CHAF1A: variants seen among roughly 807,000 people sequenced by gnomAD.
CHAF1A encodes chromatin assembly factor 1 subunit A, also known as CAF-1 subunit A.
Under a neutral mutation model 93.2 loss-of-function variants are expected in CHAF1A, and 5 were observed. That is an observed-to-expected ratio of 0.05 (90% confidence interval 0.03 to 0.11). The LOEUF (loss-of-function observed/expected upper bound fraction) is 0.11. Among genes scored for constraint, CHAF1A ranks in the 10% least tolerant of loss-of-function variants. CHAF1A has a pLI of 1.00. For synonymous variants in CHAF1A, 504 were observed against 510.3 expected, an observed-to-expected ratio of 0.99 and a Z score of 0.17; for missense variants, 1,102 against 1,259.9, an observed-to-expected ratio of 0.87 and a Z score of 1.90.
chr19:4,410,386 C>CTTT (rs71166992), intron 3 of CHAF1A, among the ~76,000 whole-genome samples: 1,707 of 137,504 alleles, frequency 0.012, 34 homozygotes, highest in South Asian at 0.016. Context: ...AAAAAAATTA[C>CTTT]TTTTTTTTTT....
At position 4,432,087 on chromosome 19, in the gene CHAF1A, G is replaced by A; in HGVS notation, c.2083G>A (p.Asp695Asn). The change falls in exon 12 of 15, where the codon GAC becomes AAC. Residue 695 changes from aspartate (D) to asparagine (N), a missense_variant. Asp to Asn is a conservative substitution (Grantham distance 23). Coordinates refer to ENST00000301280, the MANE Select transcript of CHAF1A (RefSeq NM_005483.3). ...CGGCTGCGTGTGGGCGGCTGACAGA[G>A]ACTGCGCAGGCGATGACCTGAAGGT... ...KIGCVWAADR[D>N]CAGDDLKVLQ... 1 of 1,613,966 alleles carries A rather than the reference G, an allele frequency of 6.2e-7. No homozygotes were observed. The highest frequency in any genetic ancestry group is 1.1e-5 in the South Asian group (1 of 91,074).
chr19:4,415,635 C>G (rs1396948174), intron 3 of CHAF1A, among the ~76,000 whole-genome samples: 3 of 151,840 alleles, frequency 2.0e-5, no homozygotes, highest in Non-Finnish European at 2.9e-5. Context: ...GTGAGGCTGC[C>G]TCGGGCTGGC....
intron 1 of CHAF1A, 55 bp from the exon 2 acceptor site, chr19:4,405,857 T>A (rs1973671540): frequency 2.0e-6 from 3 of 1,527,206 alleles, no homozygotes; most frequent in Non-Finnish European, 2.7e-6. Context: ...ATGTATTTGC[T>A]AACTTGATTA....
At chr19:4,419,612 G>T (rs1210140756) in intron 4 of CHAF1A, among the ~76,000 whole-genome samples, 1 of 151,910 alleles carries the variant, frequency 6.6e-6, no homozygotes, top group Non-Finnish European at 1.5e-5. Context: ...TGTATTTTTA[G>T]TAGAGACAGG....
downstream of CHAF1A, chr19:4,448,146 G>A (rs1194205218): frequency 1.6e-6 from 1 of 628,730 alleles, no homozygotes; most frequent in African/African-American, 1.8e-5. Flanking sequence ...GCCCAAGGAG[G>A]CCCAGCCCTT....
At chr19:4,405,410 C>G (rs543150738) in intron 1 of CHAF1A, among the ~76,000 whole-genome samples, 1 of 152,090 alleles carries the variant, frequency 6.6e-6, no homozygotes, top group Non-Finnish European at 1.5e-5. Context: ...GAGTTCGAGA[C>G]CATTCTGGCT....
chr19:4,409,806 CAG>C (rs1973759703), intron 3 of CHAF1A, 47 bp downstream of exon 3: 1 of 1,547,974 alleles, frequency 6.5e-7, no homozygotes, highest in Non-Finnish European at 8.7e-7. Flanking sequence ...TCACGGATCT[CAG>C]AGCGCTGTCA....
chr19:4,406,920 G>A (rs965473932), intron 2 of CHAF1A, among the ~76,000 whole-genome samples: 1 of 151,852 alleles, frequency 6.6e-6, no homozygotes, highest in Non-Finnish European at 1.5e-5. Flanking sequence ...GGAAGACTCT[G>A]TCTCTTGAAA....
Position 4,428,900 on chromosome 19 carries a change from TGAG to T in CHAF1A, c.1604+15_1604+17del, listed in dbSNP as rs762781914. On this transcript the variant is annotated intron_variant, in intron 8 of 14. Coordinates refer to ENST00000301280, the MANE Select transcript of CHAF1A (RefSeq NM_005483.3). ...CAGATATTTTTAACAGGTCAGAGCC[TGAG>T]GAGGTCGGCCTTCACCCACTAGTGA... 8.1e-6 allele frequency: 13 copies of T among 1,609,880 alleles called. No individual in the cohort carries two copies. Among genetic ancestry groups the T allele is most frequent in the African/African-American group, 2.7e-5 (2 of 74,818 alleles).
chr19:4,430,970 G>T (rs955466143), intron 11 of CHAF1A: 11 of 294,814 alleles, frequency 3.7e-5, no homozygotes, highest in Non-Finnish European at 5.3e-5. Flanking sequence ...CATGTGCATT[G>T]TAAGTGTTGA....
At chr19:4,408,866 A>T (rs771080344) in intron 2 of CHAF1A, 37 bp from the exon 3 acceptor site, 10 of 1,558,102 alleles carry the variant, frequency 6.4e-6, no homozygotes, top group Non-Finnish European at 8.6e-6. Flanking sequence ...TGTAACTTTA[A>T]ACGTTCACTA....
chr19:4,438,062 G>A (rs1031205728), intron 13 of CHAF1A, among the ~76,000 whole-genome samples: 7 of 152,068 alleles, frequency 4.6e-5, no homozygotes, highest in Admixed American at 3.9e-4. Flanking sequence ...TGTTAAATTA[G>A]AAACAGGGTC....
chr19:4,409,440 C>A lies in CHAF1A; in HGVS notation c.641C>A (p.Pro214Gln). The change falls in exon 3 of 15, where the codon CCG (proline) becomes CAG (glutamine). Residue 214 changes from proline to glutamine, a missense_variant. Pro to Gln is a moderately conservative substitution (Grantham distance 76, BLOSUM62 -1). Transcript: ENST00000301280. The part of the protein sequence containing the change: ...PRSCPELTSG[P>Q]RMCPRKEQDS... The stretch of plus-strand genomic sequence containing the variant: ...AGCTGCCCGGAGCTGACGAGTGGCC[C>A]GAGAATGTGCCCCAGAAAGGAGCAG... The A allele has an allele frequency of 6.2e-7, 1 of 1,614,004 alleles. No individual in the cohort carries two copies. Among genetic ancestry groups the A allele is most frequent in the Non-Finnish European group, 8.5e-7 (1 of 1,179,998 alleles).
chr19:4,408,186 C>T (rs116214855), intron 2 of CHAF1A, among the ~76,000 whole-genome samples: 1 of 150,296 alleles, frequency 6.7e-6, no homozygotes. Flanking sequence ...ATAGCCCCTG[C>T]CCCGTCTTTT....
Position 4,423,119 on chromosome 19 carries a change from G to A in CHAF1A, c.1248-216G>A, listed in dbSNP as rs572349414. Among the ~76,000 whole-genome samples, 7 of 152,250 alleles carry A rather than the reference G, an allele frequency of 4.6e-5. No individual in the cohort carries two copies. In the South Asian group the frequency reaches 1.5e-3, roughly 32 times the overall value. ...GCTAATTGTGCTCTGACTGGCTAAA[G>A]TTTTTTATATATATTCTAGTCACAG... On this transcript the variant is annotated intron_variant, in intron 5 of 14. Transcript: ENST00000301280.
intron 7 of CHAF1A, 151 bp from the exon 8 acceptor site, chr19:4,428,513 C>T (rs1974124634): frequency 7.6e-6 from 5 of 662,084 alleles, no homozygotes; most frequent in Admixed American, 2.9e-5. Context: ...TCTGGAAACT[C>T]GGCTCTGTGG....
At chr19:4,423,277 C>T (rs368561570) in intron 5 of CHAF1A, 58 bp from the exon 6 acceptor site, 71 of 1,610,128 alleles carry the variant, frequency 4.4e-5, no homozygotes, top group Non-Finnish European at 5.6e-5. Context: ...TTGAGTGCTG[C>T]GGTCCCTTCC....
downstream of CHAF1A, chr19:4,448,555 GAA>G (rs927550889): frequency 2.3e-5 from 16 of 704,714 alleles, no homozygotes; most frequent in African/African-American, 2.5e-4. Flanking sequence ...TCACAGAAAG[GAA>G]AAGAGAGACC....
At chr19:4,407,593 T>C (rs1973703783) in intron 2 of CHAF1A, among the ~76,000 whole-genome samples, 1 of 152,174 alleles carries the variant, frequency 6.6e-6, no homozygotes, top group Non-Finnish European at 1.5e-5. Context: ...AATAAACAAA[T>C]GTCTCTTGAA....
Sources: allele counts gnomAD v4.1 joint callset (sites outside exome capture counted in the v4.1 genomes callset), GRCh38; gene constraint gnomAD v4.1.1; transcripts MANE v1.5; gene names NCBI Gene and HGNC (gene_info 2026-07-23, HGNC 2026-07-21).